Variants in INPP5A observed in about 807,000 individuals in gnomAD.
INPP5A encodes the protein 43 kDa inositol polyphosphate 5-phophatase.
A neutral mutation model predicts 65.2 loss-of-function variants in INPP5A; 14 were observed. The ratio of observed to expected loss-of-function variants is 0.21; its 90% CI spans 0.14 to 0.34. The LOEUF (loss-of-function observed/expected upper bound fraction) is 0.34, where lower values mean the gene tolerates loss of function less well. Among genes scored for constraint, INPP5A ranks in the 10% least tolerant of loss-of-function variants. The pLI is 1.00. For synonymous variants in INPP5A, 207 were observed against 208.3 expected, an observed-to-expected ratio of 0.99 and a Z score of 0.05; for missense variants, 431 against 545.6, an observed-to-expected ratio of 0.79 and a Z score of 2.09.
At chr10:132,760,357 C>T (rs181937750) in intron 11 of INPP5A, among the ~76,000 whole-genome samples, 1 of 152,358 alleles carries the variant, frequency 6.6e-6, no homozygotes, top group East Asian at 1.9e-4. Context: ...TGCCGCACGC[C>T]TGCGAGGGGC....
At chr10:132,719,726 A>T (rs1484651072) in intron 8 of INPP5A, among the ~76,000 whole-genome samples, 1 of 146,514 alleles carries the variant, frequency 6.8e-6, no homozygotes, top group African/African-American at 2.6e-5. Flanking sequence ...GGCGCCTTAG[A>T]CGGCTGTCTT....
chr10:132,729,763 C>T (rs1486265143), intron 9 of INPP5A, among the ~76,000 whole-genome samples: 4 of 152,220 alleles, frequency 2.6e-5, no homozygotes, highest in Admixed American at 2.6e-4. Context: ...CCAGTGGGAT[C>T]TTCCACGGCA....
At chr10:132,764,873 G>A (rs1042164462) in intron 11 of INPP5A, among the ~76,000 whole-genome samples, 2 of 145,538 alleles carry the variant, frequency 1.4e-5, no homozygotes, top group Admixed American at 6.8e-5. Flanking sequence ...GCTGTGGTGG[G>A]AGGGTGTGCG....
intron 2 of INPP5A, among the ~76,000 whole-genome samples, chr10:132,643,144 G>T (rs12416102): frequency 0.16 from 24,750 of 152,058 alleles, 2,370 homozygotes; most frequent in Admixed American, 0.26. Context: ...ATATAGGGGG[G>T]TTTTTTTCTC....
At chr10:132,717,801 C>T (rs573217619) in intron 8 of INPP5A, among the ~76,000 whole-genome samples, 1 of 146,712 alleles carries the variant, frequency 6.8e-6, no homozygotes, top group South Asian at 2.2e-4. Flanking sequence ...CTTCAGGGTT[C>T]TGTGGTACCT....
At chr10:132,622,238 G>T (rs1279651988) in intron 2 of INPP5A, among the ~76,000 whole-genome samples, 1 of 152,202 alleles carries the variant, frequency 6.6e-6, no homozygotes, top group Non-Finnish European at 1.5e-5. Flanking sequence ...AAGATATAAA[G>T]AACTTGAGAA....
rs779559785 is a variant in INPP5A, at chr10:132,688,363, G to A, written c.307-2029G>A. On this transcript the variant is annotated intron_variant, in intron 4 of 15. Coordinates refer to ENST00000368594, the MANE Select transcript of INPP5A (RefSeq NM_005539.5). The stretch of plus-strand genomic sequence containing the variant: ...AGGACAGCCACCCCAGTGACCGGTC[G>A]TCAGGGAGGGAGCAGCAGTTCCCTG... Among the ~76,000 whole-genome samples, 16 of 152,344 alleles carry A rather than the reference G, an allele frequency of 1.1e-4. No homozygotes were observed. In the South Asian group the frequency reaches 1.2e-3, roughly 12 times the overall value.
rs1471565343 is a variant in INPP5A at position 132,663,598 on chromosome 10, G to A, written c.306+13093G>A. The stretch of plus-strand genomic sequence containing the variant: ...TATTCCCACTCAATGAGTGATTTTG[G>A]TCGACGTTCACCTGTACTTTCTCTG... On this transcript the variant is annotated intron_variant, in intron 4 of 15. Coordinates refer to ENST00000368594, the MANE Select transcript of INPP5A (RefSeq NM_005539.5). The surrounding 1 kb of genome is among the most constrained non-coding windows in gnomAD (Gnocchi z 4.5). Among the ~76,000 whole-genome samples, 1 of 152,194 alleles carries A rather than the reference G, an allele frequency of 6.6e-6. No individual in the cohort carries two copies. Among genetic ancestry groups the A allele is most frequent in the Non-Finnish European group, 1.5e-5 (1 of 68,044 alleles).
intron 1 of INPP5A, among the ~76,000 whole-genome samples, chr10:132,588,934 C>T (rs12252930): frequency 0.2 from 30,228 of 150,134 alleles, 3,407 homozygotes; most frequent in African/African-American, 0.3. Flanking sequence ...TGGTGTGTGT[C>T]GCCATCGCTG....
chr10:132,738,346 T>A (rs990422532), intron 9 of INPP5A, among the ~76,000 whole-genome samples: 2 of 152,238 alleles, frequency 1.3e-5, no homozygotes, highest in Admixed American at 6.5e-5. Context: ...TCAGTGGCTC[T>A]GACAAGCATA....
In INPP5A at chr10:132,741,945, AG is replaced by A. The variant is rs1004555274; in HGVS notation, c.733-7571del. On this transcript the variant is annotated intron_variant, in intron 9 of 15. Coordinates refer to ENST00000368594, the MANE Select transcript of INPP5A (RefSeq NM_005539.5). This position sits in a 1 kb window ranked among gnomAD's most constrained non-coding sequence, Gnocchi z 4.4. ...CTGCAGAAAGGATGCATACTTACAGAGAAGGCGCTCACTCCTGAGGGAGAGC... is the reference window on the plus strand; with the variant it reads ...CTGCAGAAAGGATGCATACTTACAGAAAGGCGCTCACTCCTGAGGGAGAGC... Among the ~76,000 whole-genome samples, 2 of 152,194 alleles carry A rather than the reference AG, an allele frequency of 1.3e-5. No homozygotes were observed. The highest frequency in any genetic ancestry group is 6.5e-5 in the Admixed American group (1 of 15,290).
chr10:132,657,294 T>C (rs1414018966), intron 4 of INPP5A, among the ~76,000 whole-genome samples: 1 of 152,244 alleles, frequency 6.6e-6, no homozygotes, highest in African/African-American at 2.4e-5. Flanking sequence ...GGCAGGTCTC[T>C]GCTGGCACCA....
chr10:132,681,133 G>A (rs1432665788), intron 4 of INPP5A, among the ~76,000 whole-genome samples: 3 of 152,226 alleles, frequency 2.0e-5, no homozygotes, highest in Admixed American at 2.0e-4. Context: ...TGGTGGGGAC[G>A]TGCAGAACCT....
intron 12 of INPP5A, among the ~76,000 whole-genome samples, chr10:132,768,300 G>A (rs1448049085): frequency 1.4e-5 from 2 of 140,570 alleles, no homozygotes; most frequent in Non-Finnish European, 3.1e-5. Context: ...GACCCTCAGC[G>A]TTCCCAGGGT....
At chr10:132,588,012 C>CAAAAAA (rs796469034) in intron 1 of INPP5A, among the ~76,000 whole-genome samples, 1,713 of 55,374 alleles carry the variant, frequency 0.031, 42 homozygotes, top group Middle Eastern at 0.096. Context: ...AACTCCATCT[C>CAAAAAA]AAAAAAAAAA....
At chr10:132,594,273 C>T (rs995934442) in intron 1 of INPP5A, among the ~76,000 whole-genome samples, 2 of 152,138 alleles carry the variant, frequency 1.3e-5, no homozygotes, top group African/African-American at 4.8e-5. Flanking sequence ...TTTAAGTGAA[C>T]TAAAATTACA....
chr10:132,726,298 G>T (rs1315726485), intron 8 of INPP5A, among the ~76,000 whole-genome samples: 1 of 152,224 alleles, frequency 6.6e-6, no homozygotes, highest in African/African-American at 2.4e-5. Flanking sequence ...GGACATCCCT[G>T]TCTGGGAGGA....
Position 132,650,604 on chromosome 10 carries a change from C to T in INPP5A, c.306+99C>T. 1 of 833,066 alleles carries T rather than the reference C, an allele frequency of 1.2e-6. No individual in the cohort carries two copies. The highest frequency in any genetic ancestry group is 2.0e-6 in the Non-Finnish European group (1 of 497,024). The allele number at this position is 833,066 out of a possible 1,614,324, so 51.6% of individuals were successfully genotyped here. A position where few individuals can be genotyped will look rare whatever the true frequency, so the allele number is the denominator to read the frequency against. ...AAATGGAGAGAGGTCGGGGTGCTCC[C>T]TGCCTGAAGCCTCACTCACGCTGCC... is the stretch of plus-strand genomic sequence containing the variant. On this transcript the variant is annotated intron_variant, in intron 4 of 15. Transcript: ENST00000368594. The surrounding 1 kb of genome is among the most constrained non-coding windows in gnomAD (Gnocchi z 5.5).
rs148260809 is a variant in INPP5A at position 132,778,479 on chromosome 10, A to G, written c.1089+697A>G. Among the ~76,000 whole-genome samples, 344 of 152,128 alleles carry G rather than the reference A, an allele frequency of 2.3e-3. 3 individuals are homozygous for G. The highest frequency in any genetic ancestry group is 6.7e-3 in the African/African-American group (278 of 41,512). On this transcript the variant is annotated intron_variant, in intron 13 of 15. Transcript: ENST00000368594. ...ACCCGGTCAATCCTGTGATTTTTCA[A>G]TTCCCACATTTTAACATACAAGGAG... is the stretch of plus-strand genomic sequence containing the variant.
Sources: gnomAD v4.1 joint callset for allele counts (sites outside exome capture counted in the v4.1 genomes callset) on GRCh38, gnomAD v4.1.1 for gene constraint, Gnocchi (gnomAD v3.1) non-coding constraint, MANE v1.5 for transcripts, NCBI Gene and HGNC (gene_info 2026-07-23, HGNC 2026-07-21) for gene names.